Variants in PCDH15 observed in about 807,000 individuals in gnomAD.
PCDH15 encodes the protein protocadherin-15.
In PCDH15, 129 loss-of-function variants were observed where a neutral mutation model predicts 178.5. That is an observed-to-expected ratio of 0.72 (90% CI 0.63 to 0.84). The LOEUF (loss-of-function observed/expected upper bound fraction) is 0.84, where lower values mean the gene tolerates loss of function less well. PCDH15 is among the 40% of genes least tolerant of loss of function. PCDH15 has a pLI of 0.00. For missense variants in PCDH15, 2,230 were observed against 2,099.9 expected (o/e 1.06, Z -1.21); for synonymous variants, 800 against 732.0 (o/e 1.09, Z -1.50).
intron 2 of PCDH15, among the ~76,000 whole-genome samples, chr10:55,436,853 C>T (rs1243439153): frequency 1.3e-5 from 2 of 152,024 alleles, no homozygotes; most frequent in East Asian, 1.9e-4. Flanking sequence ...TGAAAAATTC[C>T]GTTGTATCAT....
chr10:54,222,524 T>C (rs1051806348), intron 9 of PCDH15, among the ~76,000 whole-genome samples: 4 of 152,240 alleles, frequency 2.6e-5, no homozygotes, highest in African/African-American at 9.6e-5. Context: ...TATATTTTCA[T>C]TGTTGAGTAA....
At chr10:55,202,683 C>A (rs1840285458) in intron 1 of PCDH15, among the ~76,000 whole-genome samples, 1 of 152,098 alleles carries the variant, frequency 6.6e-6, no homozygotes. Flanking sequence ...CAAACTTTAT[C>A]TTGAATAGTA....
chr10:53,929,453 T>G (rs2610842), intron 25 of PCDH15, among the ~76,000 whole-genome samples: 7,121 of 152,194 alleles, frequency 0.047, 510 homozygotes, highest in African/African-American at 0.16. Flanking sequence ...ATTAATATAG[T>G]TTCTAAAACA....
chr10:54,117,379 C>A (rs1481968038), intron 15 of PCDH15, among the ~76,000 whole-genome samples: 3 of 152,106 alleles, frequency 2.0e-5, no homozygotes, highest in Non-Finnish European at 4.4e-5. Flanking sequence ...CCAGGAACTG[C>A]AGAACCCCAA....
intron 13 of PCDH15, among the ~76,000 whole-genome samples, chr10:54,168,358 C>A (rs1228867694): frequency 1.3e-5 from 2 of 151,800 alleles, no homozygotes; most frequent in African/African-American, 4.8e-5. Flanking sequence ...CCCTCAGTAC[C>A]AACCCCAAGC....
chr10:55,210,873 G>A (rs933806907), intron 1 of PCDH15, among the ~76,000 whole-genome samples: 8 of 151,796 alleles, frequency 5.3e-5, no homozygotes, highest in African/African-American at 1.9e-4. Context: ...TGATACGCCC[G>A]CCTCGGCCTC....
intron 2 of PCDH15, among the ~76,000 whole-genome samples, chr10:54,630,264 T>A (rs2093664893): frequency 6.6e-6 from 1 of 152,114 alleles, no homozygotes; most frequent in Non-Finnish European, 1.5e-5. Context: ...GTTTTCAAAT[T>A]GTATATAAGG....
At chr10:54,230,732 A>C (rs1183967329) in intron 9 of PCDH15, among the ~76,000 whole-genome samples, 9 of 152,150 alleles carry the variant, frequency 5.9e-5, no homozygotes, top group Non-Finnish European at 4.4e-5. Flanking sequence ...AGTTGCCAGA[A>C]TATTCATAAT....
Position 55,532,681 on chromosome 10 carries a change from A to T in PCDH15, c.-156+94944T>A, listed in dbSNP as rs1414215333. 2.0e-5 allele frequency among the ~76,000 whole-genome samples: 3 copies of T among 152,010 alleles called. No individual in the cohort carries two copies. The Admixed American group carries it at 2.0e-4, about 10-fold the overall frequency. ...CAATGGGCAGTTCTAGTGGTGTAGGAGGTGACAGTTAAATGCTATAGTCTT... is the reference window on the plus strand; with the variant it reads ...CAATGGGCAGTTCTAGTGGTGTAGGTGGTGACAGTTAAATGCTATAGTCTT... On this transcript the variant is annotated intron_variant, in intron 2 of 5. Coordinates refer to the PCDH15 transcript ENST00000613346.
chr10:54,514,228 T>G (rs1448870442), intron 3 of PCDH15, among the ~76,000 whole-genome samples: 3 of 152,130 alleles, frequency 2.0e-5, no homozygotes, highest in Non-Finnish European at 4.4e-5. Context: ...TAACTAATAG[T>G]CAATAATTGA....
At chr10:54,362,039 G>A (rs1946128841) in intron 5 of PCDH15, among the ~76,000 whole-genome samples, 1 of 152,030 alleles carries the variant, frequency 6.6e-6, no homozygotes, top group Admixed American at 6.6e-5. Context: ...AACACACAAA[G>A]TTTGAGTCTG....
chr10:54,769,672 T>A (rs1213295166), intron 1 of PCDH15, among the ~76,000 whole-genome samples: 2 of 151,948 alleles, frequency 1.3e-5, no homozygotes, highest in Non-Finnish European at 2.9e-5. Flanking sequence ...CATCAGAGCA[T>A]CCATCTTTGG....
intron 7 of PCDH15, 48 bp from the exon 8 acceptor site, chr10:54,317,489 C>A (rs1403443489): frequency 1.2e-6 from 2 of 1,604,396 alleles, no homozygotes; most frequent in Admixed American, 3.3e-5. Context: ...AAATTAGGCA[C>A]AATAGCCAGG....
chr10:54,277,764 A>C (rs930038509), intron 8 of PCDH15, among the ~76,000 whole-genome samples: 2 of 151,622 alleles, frequency 1.3e-5, no homozygotes, highest in Non-Finnish European at 3.0e-5. Context: ...GAAGGGGGCA[A>C]AACACTAGTC....
chr10:54,711,231 C>T (rs181207819), intron 1 of PCDH15, among the ~76,000 whole-genome samples: 4 of 152,024 alleles, frequency 2.6e-5, no homozygotes, highest in South Asian at 4.1e-4. Flanking sequence ...TATCATTTAA[C>T]GTTTCAAACA....
chr10:54,293,585 A>G (rs2059562335), intron 8 of PCDH15, among the ~76,000 whole-genome samples: 1 of 152,212 alleles, frequency 6.6e-6, no homozygotes, highest in South Asian at 2.1e-4. Context: ...AAGGGCTAAT[A>G]TCCAGAATCT....
intron 2 of PCDH15, among the ~76,000 whole-genome samples, chr10:55,132,772 C>T (rs1232625847): frequency 6.6e-6 from 1 of 152,076 alleles, no homozygotes; most frequent in African/African-American, 2.4e-5. Flanking sequence ...AAATATTGTT[C>T]TGAAACATTG....
intron 9 of PCDH15, among the ~76,000 whole-genome samples, chr10:54,216,320 A>C: frequency 6.7e-6 from 1 of 149,878 alleles, no homozygotes; most frequent in East Asian, 2.1e-4. Context: ...GCTGGGCGTG[A>C]TGGCGCACGC....
chr10:54,234,233 T>C (rs2054389024), intron 9 of PCDH15, among the ~76,000 whole-genome samples: 1 of 151,750 alleles, frequency 6.6e-6, no homozygotes, highest in Non-Finnish European at 1.5e-5. Context: ...GTGACTTAGG[T>C]AACATGCCTT....
Sources: gnomAD v4.1 joint callset for allele counts (sites outside exome capture counted in the v4.1 genomes callset) on GRCh38, gnomAD v4.1.1 for gene constraint, MANE v1.5 for transcripts, NCBI Gene and HGNC (gene_info 2026-07-23, HGNC 2026-07-21) for gene names.